PELI2: variants seen among roughly 807,000 people sequenced by gnomAD.
PELI2 encodes the protein pellino E3 ubiquitin protein ligase family member 2, also known as E3 ubiquitin-protein ligase pellino homolog 2.
In PELI2, 23 loss-of-function variants were observed where a neutral mutation model predicts 42.3. The observed-to-expected ratio is 0.54, with a 90% confidence interval of 0.39 to 0.77. The LOEUF is 0.77. Among genes scored for constraint, PELI2 ranks in the 30% least tolerant of loss-of-function variants. The pLI, the probability that PELI2 is intolerant of heterozygous loss-of-function variation, is 0.00. For synonymous variants in PELI2, 245 were observed against 212.2 expected (o/e 1.15, Z -1.34); for missense variants, 463 against 553.2 (o/e 0.84, Z 1.64).
At chr14:56,253,365 A>T (rs982328712) in intron 2 of PELI2, among the ~76,000 whole-genome samples, 3 of 152,230 alleles carry the variant, frequency 2.0e-5, no homozygotes, top group African/African-American at 7.2e-5. Context: ...ATCAGGCAAG[A>T]TAAAGAAATA....
At position 56,170,267 on chromosome 14, in the gene PELI2, C is replaced by T. The variant is rs930537391; in HGVS notation, c.78-8068C>T. Among the ~76,000 whole-genome samples, 8 of 152,304 alleles carry T rather than the reference C, an allele frequency of 5.3e-5. No individual in the cohort carries two copies. The South Asian group carries it at 1.5e-3, about 28-fold the overall frequency. Reference sequence around the variant, plus strand: ...CAACCTCCACTTCTGGAGCCCACATCGCTTCCATTCCATGTGGATGTCGCT... The same window carrying T: ...CAACCTCCACTTCTGGAGCCCACATTGCTTCCATTCCATGTGGATGTCGCT... On this transcript the variant is annotated intron_variant, in intron 1 of 5. Transcript: ENST00000267460.
rs1203528511 is a variant in PELI2 at position 56,180,483 on chromosome 14, C to T, written c.207+2019C>T. 1.3e-5 allele frequency among the ~76,000 whole-genome samples: 2 copies of T among 152,144 alleles called. 1 individual carries two copies. The highest frequency in any genetic ancestry group is 4.8e-5 in the African/African-American group (2 of 41,430). ...TCAAGAGTGTTAGATAGTGACTTTCCTCCAACCAACTTCTATCTCTTTTAA... is the reference window on the plus strand; with the variant it reads ...TCAAGAGTGTTAGATAGTGACTTTCTTCCAACCAACTTCTATCTCTTTTAA... On this transcript the variant is annotated intron_variant, in intron 2 of 5. Transcript: ENST00000267460. The surrounding 1 kb of genome is among the most constrained non-coding windows in gnomAD (Gnocchi z 4.4).
chr14:56,139,775 C>T (rs1210151071), intron 1 of PELI2, among the ~76,000 whole-genome samples: 2 of 151,812 alleles, frequency 1.3e-5, no homozygotes, highest in Non-Finnish European at 2.9e-5. Context: ...AAAACTGGGC[C>T]AGAAGTCCTC....
intron 2 of PELI2, among the ~76,000 whole-genome samples, chr14:56,179,129 TTTTA>T (rs769758466): frequency 5.3e-5 from 8 of 152,326 alleles, no homozygotes; most frequent in Non-Finnish European, 8.8e-5. Context: ...AAATCTGAGT[TTTTA>T]TTCCAATTGA....
intron 1 of PELI2, among the ~76,000 whole-genome samples, chr14:56,160,011 G>GTT (rs1041197999): frequency 3.6e-5 from 5 of 137,536 alleles, no homozygotes; most frequent in Middle Eastern, 3.6e-3. Context: ...CAGTTTCTTT[G>GTT]TTTTTTTTTT....
chr14:56,234,403 A>G (rs1296655900), intron 2 of PELI2, among the ~76,000 whole-genome samples: 1 of 152,248 alleles, frequency 6.6e-6, no homozygotes, highest in African/African-American at 2.4e-5. Context: ...CATATACACC[A>G]TGGAATACTA....
chr14:56,280,200 G>A (rs1233319449), intron 3 of PELI2, among the ~76,000 whole-genome samples: 2 of 152,064 alleles, frequency 1.3e-5, no homozygotes, highest in Non-Finnish European at 1.5e-5. Context: ...GGAAGAAAAT[G>A]CCTTACGTGC....
At chr14:56,154,878 G>T (rs1884492526) in intron 1 of PELI2, among the ~76,000 whole-genome samples, 2 of 152,218 alleles carry the variant, frequency 1.3e-5, no homozygotes, top group South Asian at 4.1e-4. Context: ...ATTCTTAACG[G>T]TAGTATGTTA....
Position 56,191,613 on chromosome 14 carries a change from A to C in PELI2, c.207+13149A>C, listed in dbSNP as rs560718610. ...TATTTGCCCAAAGGGTGTTGCTAGT[A>C]CCCATGAGGAACTCCTTCCATTCCT... On this transcript the variant is annotated intron_variant, in intron 2 of 5. Transcript: ENST00000267460. 3.3e-5 allele frequency among the ~76,000 whole-genome samples: 5 copies of C among 152,272 alleles called. No homozygotes were observed. In the East Asian group the frequency reaches 9.7e-4, roughly 29 times the overall value.
At chr14:56,144,370 T>C (rs919375411) in intron 1 of PELI2, among the ~76,000 whole-genome samples, 1 of 152,232 alleles carries the variant, frequency 6.6e-6, no homozygotes, top group Non-Finnish European at 1.5e-5. Context: ...ACTAGAACTC[T>C]TGGGCATGAG....
intron 2 of PELI2, 47 bp downstream of exon 2, chr14:56,178,511 TCA>T: frequency 6.3e-7 from 1 of 1,598,768 alleles, no homozygotes; most frequent in Non-Finnish European, 8.6e-7. Flanking sequence ...AAACAGTGAC[TCA>T]CAGATACTCC....
At chr14:56,265,382 T>C (rs1278625099) in intron 2 of PELI2, among the ~76,000 whole-genome samples, 1 of 152,136 alleles carries the variant, frequency 6.6e-6, no homozygotes, top group Non-Finnish European at 1.5e-5. Context: ...TGAAAAAGGA[T>C]AGTCTTTTAA....
chr14:56,250,052 C>T (rs1025440693), intron 2 of PELI2, among the ~76,000 whole-genome samples: 19 of 152,146 alleles, frequency 1.2e-4, no homozygotes, highest in Non-Finnish European at 2.8e-4. Flanking sequence ...ATGCCCTATC[C>T]TCCTTACTGA....
At chr14:56,270,335 A>G (rs975818711) in intron 2 of PELI2, among the ~76,000 whole-genome samples, 1 of 152,238 alleles carries the variant, frequency 6.6e-6, no homozygotes, top group African/African-American at 2.4e-5. Flanking sequence ...AATATTTTAA[A>G]GAGTGTGTTT....
At chr14:56,262,449 T>G (rs1888744497) in intron 2 of PELI2, among the ~76,000 whole-genome samples, 3 of 150,354 alleles carry the variant, frequency 2.0e-5, no homozygotes, top group African/African-American at 7.3e-5. Flanking sequence ...AACCACAGAT[T>G]TTTTTTCATA....
At chr14:56,250,743 C>A (rs112620389) in intron 2 of PELI2, among the ~76,000 whole-genome samples, 1 of 152,172 alleles carries the variant, frequency 6.6e-6, no homozygotes, top group Non-Finnish European at 1.5e-5. Flanking sequence ...GAGAGTGGGT[C>A]TGCCTCTCTC....
intron 1 of PELI2, 120 bp from the exon 2 acceptor site, chr14:56,178,215 G>A (rs749609909): frequency 7.3e-6 from 7 of 963,280 alleles, no homozygotes; most frequent in Middle Eastern, 2.4e-4. Flanking sequence ...TTTGTGGAGT[G>A]TTTAGTGGGC....
At position 56,297,396 on chromosome 14, in the gene PELI2, A is replaced by G. The variant is rs1890045799; in HGVS notation, c.*230A>G. ...ATTGAAGTCTGCTTGATTAAACCAT[A>G]ATATCTTTGTAATAATTGGATTTAA... On this transcript the variant is annotated 3_prime_UTR_variant, in exon 6 of 6. Transcript: ENST00000267460. The G allele has an allele frequency of 2.3e-6, 1 of 437,598 alleles. No individual in the cohort carries two copies. Among genetic ancestry groups the G allele is most frequent in the Non-Finnish European group, 4.0e-6 (1 of 247,250 alleles). 27.1% of individuals were successfully genotyped at this position (437,598 alleles called of 1,614,324 possible). A position where few individuals can be genotyped will look rare whatever the true frequency, so the allele number is the denominator to read the frequency against.
intron 2 of PELI2, among the ~76,000 whole-genome samples, chr14:56,233,490 A>G (rs1177883115): frequency 6.6e-6 from 1 of 152,200 alleles, no homozygotes; most frequent in African/African-American, 2.4e-5. Flanking sequence ...ACCTGACAAA[A>G]ACAAGAAATG....
Sources: gnomAD v4.1 joint callset for allele counts (sites outside exome capture counted in the v4.1 genomes callset) on GRCh38, gnomAD v4.1.1 for gene constraint, Gnocchi (gnomAD v3.1) non-coding constraint, MANE v1.5 for transcripts, NCBI Gene and HGNC (gene_info 2026-07-23, HGNC 2026-07-21) for gene names.